PLEKHA7: variants seen among roughly 807,000 people sequenced by gnomAD.
The protein encoded by PLEKHA7 is pleckstrin homology domain containing A7.
A neutral mutation model predicts 170.0 loss-of-function variants in PLEKHA7; 104 were observed. The ratio of observed to expected loss-of-function variants is 0.61; its 90% CI spans 0.52 to 0.72. The LOEUF is 0.72. PLEKHA7 is among the 30% of genes least tolerant of loss of function. The pLI, the probability that PLEKHA7 is intolerant of heterozygous loss-of-function variation, is 0.00. For synonymous variants in PLEKHA7, 648 were observed against 660.8 expected, an observed-to-expected ratio of 0.98 and a Z score of 0.30; for missense variants, 1,615 against 1,671.7, an observed-to-expected ratio of 0.97 and a Z score of 0.59.
intron 19 of PLEKHA7, among the ~76,000 whole-genome samples, chr11:16,793,722 T>C (rs574322289): frequency 2.0e-5 from 3 of 152,322 alleles, no homozygotes; most frequent in Non-Finnish European, 2.9e-5. Flanking sequence ...CATCTCCTAT[T>C]TCTTTAAAGT....
At chr11:16,917,644 C>T (rs1393429293) in intron 3 of PLEKHA7, among the ~76,000 whole-genome samples, 1 of 152,220 alleles carries the variant, frequency 6.6e-6, no homozygotes, top group Non-Finnish European at 1.5e-5. Context: ...ATGGGCCCAC[C>T]CAGATAATCC....
intron 3 of PLEKHA7, among the ~76,000 whole-genome samples, chr11:16,882,068 A>G (rs1297632747): frequency 6.6e-6 from 1 of 152,242 alleles, no homozygotes; most frequent in African/African-American, 2.4e-5. Context: ...TGCAGGTGAC[A>G]CTTGAATATG....
chr11:16,950,659 C>T (rs1204931161), intron 3 of PLEKHA7, among the ~76,000 whole-genome samples: 1 of 152,230 alleles, frequency 6.6e-6, no homozygotes, highest in Non-Finnish European at 1.5e-5. Context: ...GCCTCACATG[C>T]CTACCCTTAG....
intron 3 of PLEKHA7, among the ~76,000 whole-genome samples, chr11:16,940,114 T>C (rs1260545318): frequency 6.6e-6 from 1 of 152,088 alleles, no homozygotes; most frequent in Non-Finnish European, 1.5e-5. Context: ...CATTCCTATC[T>C]CCCCTACTGG....
At chr11:16,835,603 C>T (rs1851451347) in intron 9 of PLEKHA7, among the ~76,000 whole-genome samples, 1 of 152,186 alleles carries the variant, frequency 6.6e-6, no homozygotes, top group African/African-American at 2.4e-5. Context: ...ATGTCTCAGG[C>T]ACTGGACTAA....
intron 3 of PLEKHA7, among the ~76,000 whole-genome samples, chr11:16,939,958 A>G (rs1179853753): frequency 1.3e-5 from 2 of 152,220 alleles, no homozygotes; most frequent in Non-Finnish European, 2.9e-5. Context: ...AGACCCAGAC[A>G]TCACCATAGG....
chr11:16,930,174 G>C (rs1001482015), intron 3 of PLEKHA7, among the ~76,000 whole-genome samples: 5 of 152,110 alleles, frequency 3.3e-5, no homozygotes, highest in Non-Finnish European at 5.9e-5. Context: ...AGGAACAGAG[G>C]TAAGAAAGAC....
Position 16,790,813 on chromosome 11 carries a change from T to C in PLEKHA7, c.3037A>G (p.Thr1013Ala). ...CCTGCCTTACCTCTGCCTGGCAGCGTCTGGTACCTGCTCTCAGGGCCCACA... is the reference window on the plus strand; with the variant it reads ...CCTGCCTTACCTCTGCCTGGCAGCGCCTGGTACCTGCTCTCAGGGCCCACA... ...GLVGPESRYQ[T>A]LPGRGLSGST... Residue 1013 changes from threonine (T) to alanine (A), a missense_variant, in exon 21 of 27, where the codon ACG (threonine) becomes GCG (alanine). Coordinates refer to ENST00000531066, the MANE Select transcript of PLEKHA7 (RefSeq NM_001329630.2). The C allele has an allele frequency of 6.2e-7, 1 of 1,609,040 alleles. No homozygotes were observed. The highest frequency in any genetic ancestry group is 1.1e-5 in the South Asian group (1 of 90,138).
At chr11:16,784,004 G>A (rs1176510110) in intron 24 of PLEKHA7, among the ~76,000 whole-genome samples, 171 bp from the exon 25 acceptor site, 1 of 152,180 alleles carries the variant, frequency 6.6e-6, no homozygotes, top group African/African-American at 2.4e-5. Flanking sequence ...GTTTGAACCT[G>A]AGTCCGACTC....
chr11:16,879,081 A>C (rs921035382), intron 3 of PLEKHA7, among the ~76,000 whole-genome samples: 1 of 152,260 alleles, frequency 6.6e-6, no homozygotes, highest in Non-Finnish European at 1.5e-5. Context: ...AAAAACACAC[A>C]GAAGGATAAT....
intron 3 of PLEKHA7, among the ~76,000 whole-genome samples, chr11:16,909,993 G>A (rs113289130): frequency 2.0e-5 from 3 of 152,078 alleles, no homozygotes; most frequent in Non-Finnish European, 2.9e-5. Flanking sequence ...ACCAAGAAGA[G>A]GTAGATCAAA....
chr11:16,817,554 T>C lies in PLEKHA7; in HGVS notation c.1344-232A>G. ...CTGCCAGGACAACTTGGCTACCCCA[T>C]GCCCATCACTTGGAGTGCAATGTGA... is the stretch of plus-strand genomic sequence containing the variant. On this transcript the variant is annotated intron_variant, in intron 10 of 26. Transcript: ENST00000531066. This position sits in a 1 kb window ranked among gnomAD's most constrained non-coding sequence, Gnocchi z 4.4. 2.1e-6 allele frequency: 1 copy of C among 468,886 alleles called. No individual in the cohort carries two copies. The highest frequency in any genetic ancestry group is 3.2e-5 in the East Asian group (1 of 31,602). The allele number at this position is 468,886 out of a possible 1,614,324, so 29.0% of individuals were successfully genotyped here. A position where few individuals can be genotyped will look rare whatever the true frequency, so the allele number is the denominator to read the frequency against.
chr11:16,817,456 C>T lies in PLEKHA7; in HGVS notation c.1344-134G>A, dbSNP rs944983381. Reference sequence around the variant, plus strand: ...AAGAACCTCAAAAGAATGATCAAGGCCGACATCCAGGACTTCAGTCACTTC... The same window carrying T: ...AAGAACCTCAAAAGAATGATCAAGGTCGACATCCAGGACTTCAGTCACTTC... On this transcript the variant is annotated intron_variant, in intron 10 of 26. Transcript: ENST00000531066. This position sits in a 1 kb window ranked among gnomAD's most constrained non-coding sequence, Gnocchi z 4.4. The T allele has an allele frequency of 5.7e-6, 5 of 879,594 alleles. No individual in the cohort carries two copies. The South Asian group carries it at 1.2e-4, about 21-fold the overall frequency. The allele number at this position is 879,594 out of a possible 1,614,324, so 54.5% of individuals were successfully genotyped here.
intron 3 of PLEKHA7, among the ~76,000 whole-genome samples, chr11:16,911,586 C>A (rs2136158666): frequency 6.6e-6 from 1 of 152,230 alleles, no homozygotes; most frequent in East Asian, 1.9e-4. Flanking sequence ...CCCTTATTGA[C>A]TCCTCTGTAA....
At chr11:16,887,762 C>T (rs936001784) in intron 3 of PLEKHA7, among the ~76,000 whole-genome samples, 32 of 152,330 alleles carry the variant, frequency 2.1e-4, no homozygotes, top group South Asian at 1.7e-3. Flanking sequence ...ACCTCCCAGC[C>T]GCCTGCCTTG....
chr11:16,783,269 T>C (rs1010255611), intron 25 of PLEKHA7, among the ~76,000 whole-genome samples: 1 of 152,096 alleles, frequency 6.6e-6, no homozygotes, highest in South Asian at 2.1e-4. Flanking sequence ...TCCAGGGGAG[T>C]GGGCAATGCC....
chr11:16,793,353 TG>T (rs1847988920), intron 19 of PLEKHA7, among the ~76,000 whole-genome samples: 1 of 152,238 alleles, frequency 6.6e-6, no homozygotes, highest in Non-Finnish European at 1.5e-5. Flanking sequence ...CTCTTGGATC[TG>T]GGATTGGGAA....
chr11:16,976,506 C>G (rs1863075340), intron 3 of PLEKHA7, among the ~76,000 whole-genome samples: 1 of 152,230 alleles, frequency 6.6e-6, no homozygotes, highest in Non-Finnish European at 1.5e-5. Context: ...AGAATGCTGA[C>G]AAGCACAGAG....
chr11:16,990,480 G>T (rs1025305817), intron 3 of PLEKHA7, among the ~76,000 whole-genome samples: 7 of 152,138 alleles, frequency 4.6e-5, no homozygotes, highest in African/African-American at 1.7e-4. Flanking sequence ...TTCATGGCCT[G>T]CTTATGAGTC....
Sources: allele counts gnomAD v4.1 joint callset (sites outside exome capture counted in the v4.1 genomes callset), GRCh38; gene constraint gnomAD v4.1.1; non-coding constraint Gnocchi (gnomAD v3.1); transcripts MANE v1.5; gene names NCBI Gene and HGNC (gene_info 2026-07-23, HGNC 2026-07-21).